The following SIRPD variants were observed in gnomAD, a reference collection of about 807,000 sequenced individuals.
SIRPD encodes the protein signal regulatory protein delta.
Under a neutral mutation model 18.0 loss-of-function variants are expected in SIRPD, and 21 were observed. The observed-to-expected ratio is 1.17, with a 90% CI of 0.83 to 1.68. SIRPD has a LOEUF of 1.68. SIRPD is among the 40% of genes most tolerant of loss of function. SIRPD has a pLI of 0.00. For missense variants in SIRPD, 295 were observed against 238.4 expected (o/e 1.24, Z -1.56); for synonymous variants, 106 against 92.9 (o/e 1.14, Z -0.81).
intron 2 of SIRPD, among the ~76,000 whole-genome samples, chr20:1,550,359 G>A (rs754916326): frequency 5.3e-5 from 8 of 152,208 alleles, no homozygotes; most frequent in Non-Finnish European, 1.0e-4. Context: ...ACTCATTTGT[G>A]AAGGTTGGTA....
At position 1,537,213 on chromosome 20, in the gene SIRPD, T is replaced by C. The variant is rs1223775501; in HGVS notation, c.519A>G (p.Arg173=). ...AHTCLSALPE[R]NSTNYFVQPC... is the part of the protein sequence containing the mutation. Reference sequence around the variant, plus strand: ...GTTGGACGAAATAGTTTGTGCTGTTTCTCTCAGGCAGGGCCGAGAGGCAGG... The same window carrying C: ...GTTGGACGAAATAGTTTGTGCTGTTCCTCTCAGGCAGGGCCGAGAGGCAGG... The change falls in exon 3 of 4, where the codon AGA becomes AGG. Residue 173 remains arginine, a synonymous_variant. Transcript: ENST00000381623. 1 of 1,614,090 alleles carries C rather than the reference T, an allele frequency of 6.2e-7. No homozygotes were observed. Among genetic ancestry groups the C allele is most frequent in the East Asian group, 2.2e-5 (1 of 44,864 alleles).
At chr20:1,546,803 T>C (rs1233288943) in intron 2 of SIRPD, among the ~76,000 whole-genome samples, 1 of 152,234 alleles carries the variant, frequency 6.6e-6, no homozygotes, top group Non-Finnish European at 1.5e-5. Context: ...TGTATTTCAT[T>C]ATAGTTTTGA....
rs556384929 is a variant in SIRPD at position 1,553,118 on chromosome 20, G to A, written c.74-1080C>T. ...AGGACAGACCTGGGAAAGTTCAAGT[G>A]TCAGGGAATGACTCAACCCCTATGG... On this transcript the variant is annotated intron_variant, in intron 1 of 3. Coordinates refer to ENST00000381623, the MANE Select transcript of SIRPD (RefSeq NM_178460.3). Among the ~76,000 whole-genome samples the A allele has an allele frequency of 2.0e-5, 3 of 152,330 alleles. No individual in the cohort carries two copies. In the South Asian group the frequency reaches 6.2e-4, roughly 32 times the overall value.
intron 3 of SIRPD, among the ~76,000 whole-genome samples, chr20:1,536,035 C>A (rs1210414522): frequency 6.6e-6 from 1 of 152,174 alleles, no homozygotes. Context: ...GCCTGATGGA[C>A]CTTTCTCAGT....
At chr20:1,534,923 G>T (rs1289877118) in intron 3 of SIRPD, among the ~76,000 whole-genome samples, 1 of 152,006 alleles carries the variant, frequency 6.6e-6, no homozygotes, top group Non-Finnish European at 1.5e-5. Flanking sequence ...CCTCTTTGAC[G>T]GCCTTATTCA....
intron 2 of SIRPD, among the ~76,000 whole-genome samples, chr20:1,543,569 C>T (rs987525791): frequency 3.9e-5 from 6 of 152,044 alleles, no homozygotes; most frequent in African/African-American, 1.4e-4. Context: ...TTAAAAAAAA[C>T]AGCTCCTTGA....
At chr20:1,540,710 T>A (rs1157371900) in intron 2 of SIRPD, among the ~76,000 whole-genome samples, 2 of 152,220 alleles carry the variant, frequency 1.3e-5, no homozygotes, top group Non-Finnish European at 2.9e-5. Context: ...TACACAGTTA[T>A]ACATGTGCCA....
At chr20:1,536,919 G>A (rs966704044) in intron 3 of SIRPD, among the ~76,000 whole-genome samples, 2 of 152,144 alleles carry the variant, frequency 1.3e-5, no homozygotes, top group African/African-American at 4.8e-5. Flanking sequence ...GGAAACGCCT[G>A]GATGGGAGAG....
At chr20:1,535,739 T>G (rs1319187019) in intron 3 of SIRPD, among the ~76,000 whole-genome samples, 1 of 152,228 alleles carries the variant, frequency 6.6e-6, no homozygotes, top group Admixed American at 6.5e-5. Context: ...GAAAAAGGAC[T>G]GACATTGGTG....
At chr20:1,551,525 C>A (rs1417891875) in intron 2 of SIRPD, among the ~76,000 whole-genome samples, 166 bp downstream of exon 2, 2 of 152,050 alleles carry the variant, frequency 1.3e-5, no homozygotes, top group Non-Finnish European at 2.9e-5. Context: ...TTTTTTTCTT[C>A]CTGTAAAATA....
At chr20:1,540,843 T>C (rs966975533) in intron 2 of SIRPD, among the ~76,000 whole-genome samples, 2 of 152,164 alleles carry the variant, frequency 1.3e-5, no homozygotes. Context: ...CCTGTGCCCA[T>C]ATGTCCTCGT....
chr20:1,537,177 G>A lies in SIRPD; in HGVS notation c.555C>T (p.Cys185=), dbSNP rs753366135. 6.2e-6 allele frequency: 10 copies of A among 1,614,058 alleles called. No individual in the cohort carries two copies. The highest frequency in any genetic ancestry group is 3.3e-5 in the South Asian group (3 of 91,082). ...CACCTGTGAGTCCCAGCAGCCGGAG[G>A]CAGCAGCAGGGTTGGACGAAATAGT... is the stretch of plus-strand genomic sequence containing the variant. ...STNYFVQPCC[C]LRLLGLTGLL... The change falls in exon 3 of 4, where the codon TGC becomes TGT. Residue 185 remains cysteine (C), a synonymous_variant. Coordinates refer to ENST00000381623, the MANE Select transcript of SIRPD (RefSeq NM_178460.3).
At chr20:1,541,534 G>A (rs1451266152) in intron 2 of SIRPD, among the ~76,000 whole-genome samples, 4 of 152,066 alleles carry the variant, frequency 2.6e-5, no homozygotes, top group African/African-American at 9.7e-5. Context: ...GATTCTGGAT[G>A]TTAGCCCTTT....
chr20:1,535,192 GAACA>G (rs748662301), intron 3 of SIRPD, among the ~76,000 whole-genome samples: 16 of 152,142 alleles, frequency 1.1e-4, no homozygotes, highest in Non-Finnish European at 1.6e-4. Context: ...TTGAGTAAAA[GAACA>G]AATAAACCAC....
At position 1,557,365 on chromosome 20, in the gene SIRPD, G is replaced by A. The variant is rs550604343; in HGVS notation, c.73+216C>T. On this transcript the variant is annotated intron_variant, in intron 1 of 3. Coordinates refer to ENST00000381623, the MANE Select transcript of SIRPD (RefSeq NM_178460.3). ...CGCCCTGTGACCATAGGTGTGAGTC[G>A]TTTACCTGAGCAAAGAGATTTGCAA... is the stretch of plus-strand genomic sequence containing the variant. Among the ~76,000 whole-genome samples, 11 of 152,220 alleles carry A rather than the reference G, an allele frequency of 7.2e-5. No individual in the cohort carries two copies. In the South Asian group the frequency reaches 1.5e-3, roughly 20 times the overall value.
intron 2 of SIRPD, among the ~76,000 whole-genome samples, chr20:1,551,293 G>A (rs1020441374): frequency 1.7e-4 from 26 of 152,134 alleles, no homozygotes; most frequent in African/African-American, 4.8e-4. Flanking sequence ...CTTGTTTCCA[G>A]CCAACAAAGG....
chr20:1,536,387 GA>G (rs201082220), intron 3 of SIRPD, among the ~76,000 whole-genome samples: 1,366 of 136,426 alleles, frequency 0.01, 22 homozygotes, highest in African/African-American at 0.037. Flanking sequence ...ACTTGCATTT[GA>G]ACCCCGGCCT....
intron 1 of SIRPD, among the ~76,000 whole-genome samples, chr20:1,556,625 T>G (rs1467419956): frequency 6.6e-6 from 1 of 152,132 alleles, no homozygotes; most frequent in African/African-American, 2.4e-5. Flanking sequence ...ATGGTGGATG[T>G]TTTTATAGGA....
chr20:1,534,564 T>C (rs1359575888), intron 3 of SIRPD, 123 bp from the exon 4 acceptor site: 2 of 1,051,792 alleles, frequency 1.9e-6, no homozygotes, highest in Non-Finnish European at 2.8e-6. Flanking sequence ...TCTGTGTTGC[T>C]AAGGTTGTGG....
Sources: allele counts gnomAD v4.1 joint callset (sites outside exome capture counted in the v4.1 genomes callset), GRCh38; gene constraint gnomAD v4.1.1; transcripts MANE v1.5; gene names NCBI Gene and HGNC (gene_info 2026-07-23, HGNC 2026-07-21).